The following POU2F3 variants were observed in gnomAD, a reference collection of about 807,000 sequenced individuals.
POU2F3 encodes POU domain, class 2, transcription factor 3.
Under a neutral mutation model 59.2 loss-of-function variants are expected in POU2F3, and 23 were observed. The ratio of observed to expected loss-of-function variants is 0.39; its 90% CI spans 0.28 to 0.55. The LOEUF is 0.55. POU2F3 is among the 20% of genes least tolerant of loss of function. The pLI is 0.66. For synonymous variants in POU2F3, 190 were observed against 214.6 expected, an observed-to-expected ratio of 0.89 and a Z score of 1.00; for missense variants, 473 against 544.5, an observed-to-expected ratio of 0.87 and a Z score of 1.31.
At chr11:120,304,981 G>A (rs778286543) in intron 6 of POU2F3, 49 bp from the exon 7 acceptor site, 270 of 658,560 alleles carry the variant, frequency 4.1e-4, no homozygotes, top group Non-Finnish European at 6.1e-4. Flanking sequence ...ATCAGAAAAT[G>A]TTATTTATTG....
intron 3 of POU2F3, among the ~76,000 whole-genome samples, chr11:120,297,029 C>T (rs17123821): frequency 0.012 from 1,822 of 152,296 alleles, 34 homozygotes; most frequent in African/African-American, 0.042. Flanking sequence ...GTGATATTCG[C>T]AGTGTAGACC....
intron 6 of POU2F3, chr11:120,303,290 T>C (rs1293640716): frequency 6.6e-6 from 1 of 152,240 alleles, no homozygotes; most frequent in Non-Finnish European, 1.5e-5. Flanking sequence ...CTCATAGCCA[T>C]GGGCTTACAG....
intron 3 of POU2F3, among the ~76,000 whole-genome samples, chr11:120,297,200 C>T (rs1941215959): frequency 6.6e-6 from 1 of 152,182 alleles, no homozygotes; most frequent in Admixed American, 6.5e-5. Flanking sequence ...ACATGGACAC[C>T]CTCCCAAGGG....
Position 120,299,656 on chromosome 11 carries a change from T to G in POU2F3, c.291T>G (p.Leu97=). The G allele has an allele frequency of 1.9e-6, 3 of 1,613,946 alleles. No homozygotes were observed. Among genetic ancestry groups the G allele is most frequent in the Non-Finnish European group, 2.5e-6 (3 of 1,179,982 alleles). ...CTTCCCTCCATCCGCTCCAGCAGCT[T>G]GTGCTGGTTCCCGGCCACTTACAGT... The part of the protein sequence containing the change: ...DMASLHPLQQ[L]VLVPGHLQSV... Residue 97 remains leucine, a synonymous_variant, in exon 5 of 13, where the codon CTT becomes CTG. Transcript: ENST00000543440.
At chr11:120,255,819 T>C (rs950552865) in intron 2 of POU2F3, among the ~76,000 whole-genome samples, 2 of 152,108 alleles carry the variant, frequency 1.3e-5, no homozygotes, top group Non-Finnish European at 2.9e-5. Flanking sequence ...GACATCTGAG[T>C]TCGTGGGAAG....
intron 3 of POU2F3, among the ~76,000 whole-genome samples, chr11:120,279,224 G>A (rs553815297): frequency 2.6e-5 from 4 of 152,174 alleles, no homozygotes; most frequent in African/African-American, 9.6e-5. Flanking sequence ...AGGAGGCCGT[G>A]TGATATGGTG....
At chr11:120,256,233 T>C (rs1281784393) in intron 2 of POU2F3, 1 of 152,178 alleles carries the variant, frequency 6.6e-6, no homozygotes, top group Non-Finnish European at 1.5e-5. Context: ...TGTTCTGACT[T>C]TGGGGTAGTT....
At chr11:120,283,464 T>TC (rs138377888) in intron 3 of POU2F3, among the ~76,000 whole-genome samples, 3,719 of 151,658 alleles carry the variant, frequency 0.025, 64 homozygotes, top group Non-Finnish European at 0.04. Context: ...ATCTGGGGAG[T>TC]CCAAGTGCAT....
chr11:120,281,199 C>G (rs1277499340), intron 3 of POU2F3, among the ~76,000 whole-genome samples: 3 of 152,018 alleles, frequency 2.0e-5, no homozygotes, highest in African/African-American at 4.8e-5. Flanking sequence ...ACACTTCCTA[C>G]CTGATACCAG....
At chr11:120,257,976 T>C (rs1213743513) in intron 2 of POU2F3, among the ~76,000 whole-genome samples, 1 of 152,202 alleles carries the variant, frequency 6.6e-6, no homozygotes, top group Non-Finnish European at 1.5e-5. Context: ...CAGCCTCAGT[T>C]TCCTTATGCG....
rs151166362 is a variant in POU2F3 at position 120,256,094 on chromosome 11, C to T, written c.97+9577C>T. The T allele has an allele frequency of 1.7e-3, 258 of 152,290 alleles. 2 individuals are homozygous for T. The highest frequency in any genetic ancestry group is 5.9e-3 in the African/African-American group (244 of 41,566). 9.4% of individuals were successfully genotyped at this position (152,290 alleles called of 1,614,324 possible). On this transcript the variant is annotated intron_variant, in intron 2 of 12. Transcript: ENST00000543440. The stretch of plus-strand genomic sequence containing the variant: ...TGAGGGTCTCTAAAACAACTTCCAG[C>T]TCTGAGATGCTGGGGTCTGTGAACA...
At chr11:120,286,997 G>T (rs1940806835) in intron 3 of POU2F3, among the ~76,000 whole-genome samples, 1 of 152,110 alleles carries the variant, frequency 6.6e-6, no homozygotes, top group Non-Finnish European at 1.5e-5. Context: ...CCTCCTAGAT[G>T]ACAGTGACCC....
chr11:120,249,787 A>G (rs1269053223), intron 2 of POU2F3: 1 of 152,168 alleles, frequency 6.6e-6, no homozygotes, highest in Non-Finnish European at 1.5e-5. Flanking sequence ...CTTTATTTAC[A>G]GCATCTCATT....
At chr11:120,309,021 G>A (rs1314982309) in intron 9 of POU2F3, among the ~76,000 whole-genome samples, 4 of 126,450 alleles carry the variant, frequency 3.2e-5, no homozygotes, top group African/African-American at 1.2e-4. Flanking sequence ...GAAGAACACA[G>A]AAGGGAGCAG....
chr11:120,275,419 C>G (rs1176064294), intron 3 of POU2F3, among the ~76,000 whole-genome samples: 1 of 152,014 alleles, frequency 6.6e-6, no homozygotes, highest in African/African-American at 2.4e-5. Context: ...TTTGGGCCAC[C>G]AGCTAACTTC....
rs1166257998 is a variant in POU2F3 at position 120,243,202 on chromosome 11, C to G, written c.28+2831C>G. Reference sequence around the variant, plus strand: ...GGGCCGGTGGGTCCTTTGAAGTCTCCCAGTGGAAGTGCCGCCATCAGCAGG... The same window carrying G: ...GGGCCGGTGGGTCCTTTGAAGTCTCGCAGTGGAAGTGCCGCCATCAGCAGG... On this transcript the variant is annotated intron_variant, in intron 1 of 12. Coordinates refer to ENST00000543440, the MANE Select transcript of POU2F3 (RefSeq NM_014352.4). 2.6e-5 allele frequency among the ~76,000 whole-genome samples: 4 copies of G among 152,202 alleles called. No individual in the cohort carries two copies. In the East Asian group the frequency reaches 7.7e-4, roughly 29 times the overall value.
chr11:120,305,577 C>A, intron 7 of POU2F3, 67 bp from the exon 8 acceptor site: 3 of 1,587,070 alleles, frequency 1.9e-6, no homozygotes, highest in Non-Finnish European at 2.6e-6. Context: ...TAGGACCATG[C>A]AGGATGTGGG....
intron 3 of POU2F3, among the ~76,000 whole-genome samples, chr11:120,295,169 G>T (rs1004787051): frequency 1.3e-5 from 2 of 152,168 alleles, no homozygotes; most frequent in African/African-American, 2.4e-5. Flanking sequence ...CTTTTATGAT[G>T]GCGCTGGTTT....
At chr11:120,293,960 T>G (rs1941114872) in intron 3 of POU2F3, among the ~76,000 whole-genome samples, 1 of 152,148 alleles carries the variant, frequency 6.6e-6, no homozygotes, top group Admixed American at 6.5e-5. Flanking sequence ...TATTGCTATA[T>G]GAGTTTATAA....
Sources: allele counts gnomAD v4.1 joint callset (sites outside exome capture counted in the v4.1 genomes callset), GRCh38; gene constraint gnomAD v4.1.1; transcripts MANE v1.5; gene names NCBI Gene and HGNC (gene_info 2026-07-23, HGNC 2026-07-21).